DDX19B: variants seen among roughly 807,000 people sequenced by gnomAD.
The protein encoded by DDX19B is ATP-dependent RNA helicase DDX19B.
Under a neutral mutation model 58.1 loss-of-function variants are expected in DDX19B, and 27 were observed. The ratio of observed to expected loss-of-function variants is 0.46; its 90% CI spans 0.34 to 0.64. DDX19B has a LOEUF of 0.64. DDX19B is among the 30% of genes least tolerant of loss of function. The probability of loss-of-function intolerance (pLI) is 0.01; values close to 1 mark genes in which losing one functional copy is unlikely to be tolerated. For missense variants in DDX19B, 399 were observed against 596.5 expected (o/e 0.67, Z 3.45); for synonymous variants, 187 against 214.4 (o/e 0.87, Z 1.12).
chr16:70,315,770 A>C, intron 3 of DDX19B, 199 bp from the exon 4 acceptor site: 7 of 610,860 alleles, frequency 1.1e-5, no homozygotes, highest in Non-Finnish European at 1.6e-5. Context: ...GGAAAAGAAT[A>C]TGAGGCCTAA....
chr16:70,293,508 C>T (rs972739980), upstream of DDX19B, among the ~76,000 whole-genome samples: 4 of 150,030 alleles, frequency 2.7e-5, no homozygotes, highest in Non-Finnish European at 5.9e-5. Flanking sequence ...ACTCTTAACT[C>T]TCCCATGGCA....
chr16:70,316,181 G>C, intron 4 of DDX19B, 77 bp downstream of exon 4: 1 of 1,559,180 alleles, frequency 6.4e-7, no homozygotes, highest in South Asian at 1.2e-5. Context: ...GATATCTTTT[G>C]ACCACAACAG....
At position 70,308,067 on chromosome 16, in the gene DDX19B, C is replaced by T. The variant is rs542263405; in HGVS notation, c.58-4542C>T. 1.2e-3 allele frequency among the ~76,000 whole-genome samples: 177 copies of T among 152,080 alleles called. No homozygotes were observed. In the Middle Eastern group the frequency reaches 0.014, roughly 12 times the overall value. The stretch of plus-strand genomic sequence containing the variant: ...TCCTGGGTTCAAGTAATTCTCCTGC[C>T]TCAGCCTCCTGAGTAGCTGGGATTA... On this transcript the variant is annotated intron_variant, in intron 1 of 11. Transcript: ENST00000288071.
chr16:70,333,617 C>T lies in DDX19B; in HGVS notation c.*35C>T. 1 of 1,613,790 alleles carries T rather than the reference C, an allele frequency of 6.2e-7. No individual in the cohort carries two copies. The highest frequency in any genetic ancestry group is 8.5e-7 in the Non-Finnish European group (1 of 1,179,648). On this transcript the variant is annotated 3_prime_UTR_variant, in exon 12 of 12. Coordinates refer to ENST00000288071, the MANE Select transcript of DDX19B (RefSeq NM_007242.7). ...CCAGCCACTGATGCCAGCCCTGGCA[C>T]TGCCCCTGCACAGGAGACAAGTGCG...
upstream of DDX19B, among the ~76,000 whole-genome samples, chr16:70,293,597 A>ATTTTTTTTTTTTTTTTTTTTTT (rs71151182): frequency 1.3e-4 from 10 of 77,020 alleles, 1 homozygote; most frequent in African/African-American, 4.4e-4. Context: ...GGATGGCTGA[A>ATTTTTTTTTTTTTTTTTTTTTT]TTTTTTTTTT....
At chr16:70,327,793 A>AT (rs1381503391) in intron 7 of DDX19B, among the ~76,000 whole-genome samples, 2 of 152,096 alleles carry the variant, frequency 1.3e-5, no homozygotes, top group Non-Finnish European at 2.9e-5. Flanking sequence ...TCTGTTAATT[A>AT]TTTTTTGTTA....
chr16:70,316,187 A>C lies in DDX19B; in HGVS notation c.296+83A>C. 5.2e-6 allele frequency: 8 copies of C among 1,533,814 alleles called. No individual in the cohort carries two copies. In the South Asian group the frequency reaches 1.0e-4, roughly 20 times the overall value. On this transcript the variant is annotated intron_variant, in intron 4 of 11. Coordinates refer to ENST00000288071, the MANE Select transcript of DDX19B (RefSeq NM_007242.7). ...TCTGTTATAGATATCTTTTGACCAC[A>C]ACAGAGCAGTTTTAGCTAACCAAGT...
At chr16:70,316,295 C>G (rs1342815877) in intron 4 of DDX19B, among the ~76,000 whole-genome samples, 191 bp downstream of exon 4, 2 of 151,864 alleles carry the variant, frequency 1.3e-5, no homozygotes, top group Admixed American at 6.6e-5. Context: ...CTGCAACCTC[C>G]GCCTCCTGGG....
At chr16:70,320,031 A>G (rs748576466) in intron 5 of DDX19B, among the ~76,000 whole-genome samples, 29 of 152,178 alleles carry the variant, frequency 1.9e-4, no homozygotes, top group Non-Finnish European at 3.8e-4. Flanking sequence ...TGCTTAGGGT[A>G]AATAAATGGA....
At chr16:70,323,571 C>T (rs375219336) in intron 5 of DDX19B, among the ~76,000 whole-genome samples, 4 of 151,834 alleles carry the variant, frequency 2.6e-5, no homozygotes, top group Admixed American at 1.3e-4. Context: ...CTACAGGCGC[C>T]CACCACCATG....
upstream of DDX19B, among the ~76,000 whole-genome samples, chr16:70,290,171 G>A (rs1310053446): frequency 6.6e-6 from 1 of 152,104 alleles, no homozygotes; most frequent in Non-Finnish European, 1.5e-5. Context: ...GGGAGGCCAA[G>A]GTGGGAAGAT....
intron 6 of DDX19B, among the ~76,000 whole-genome samples, 195 bp downstream of exon 6, chr16:70,324,882 T>A (rs1171103357): frequency 1.3e-5 from 2 of 152,008 alleles, no homozygotes; most frequent in Non-Finnish European, 2.9e-5. Context: ...TGAAACCCTG[T>A]CTCTACTAAA....
intron 6 of DDX19B, among the ~76,000 whole-genome samples, chr16:70,325,326 G>A (rs1963084809): frequency 6.6e-6 from 1 of 152,180 alleles, no homozygotes; most frequent in African/African-American, 2.4e-5. Flanking sequence ...TTAGATCCTT[G>A]CTCATGGGTG....
intron 10 of DDX19B, among the ~76,000 whole-genome samples, chr16:70,332,598 G>A (rs1363782947): frequency 6.6e-6 from 1 of 152,010 alleles, no homozygotes; most frequent in Non-Finnish European, 1.5e-5. Context: ...ACCGCACTCG[G>A]CCCCCCAAAT....
At chr16:70,294,492 A>G (rs1189369920), upstream of DDX19B, among the ~76,000 whole-genome samples, 2 of 152,190 alleles carry the variant, frequency 1.3e-5, no homozygotes, top group Non-Finnish European at 2.9e-5. Context: ...ATTTGTTCAG[A>G]TGCAAAATTT....
chr16:70,314,600 C>T (rs1962268900), intron 2 of DDX19B, among the ~76,000 whole-genome samples: 1 of 151,740 alleles, frequency 6.6e-6, no homozygotes, highest in African/African-American at 2.4e-5. Flanking sequence ...GGAGGCAGAG[C>T]TTGTAGTGAG....
chr16:70,317,766 T>G, intron 5 of DDX19B, 178 bp downstream of exon 5: 1 of 407,634 alleles, frequency 2.5e-6, no homozygotes, highest in Non-Finnish European at 4.4e-6. Context: ...AGCAAGACCC[T>G]GTCTCAACAA....
chr16:70,316,482 A>T (rs1359489702), intron 4 of DDX19B, among the ~76,000 whole-genome samples: 4 of 152,238 alleles, frequency 2.6e-5, no homozygotes, highest in African/African-American at 9.6e-5. Flanking sequence ...CGCTGAGATT[A>T]CAGGCATGAG....
rs778560333 is a variant in DDX19B at position 70,313,341 on chromosome 16, A to G, written c.106+684A>G. On this transcript the variant is annotated intron_variant, in intron 2 of 11. Coordinates refer to ENST00000288071, the MANE Select transcript of DDX19B (RefSeq NM_007242.7). ...GTATTTTTGTTTTTTTATAGAGATG[A>G]GGACTCCCTGTGTTGCCCAGGTTGG... Among the ~76,000 whole-genome samples, 38 of 151,614 alleles carry G rather than the reference A, an allele frequency of 2.5e-4. 1 individual carries two copies. Among genetic ancestry groups the G allele is most frequent in the Non-Finnish European group, 4.4e-5 (3 of 67,876 alleles).
Sources: gnomAD v4.1 joint callset for allele counts (sites outside exome capture counted in the v4.1 genomes callset) on GRCh38, gnomAD v4.1.1 for gene constraint, MANE v1.5 for transcripts, NCBI Gene and HGNC (gene_info 2026-07-23, HGNC 2026-07-21) for gene names.